GUSB: variants seen among roughly 807,000 people sequenced by gnomAD.
GUSB encodes glucuronidase beta, also known as beta-glucuronidase.
In GUSB, 51 loss-of-function variants were observed where a neutral mutation model predicts 74.6. That is an observed-to-expected ratio of 0.68 (90% confidence interval 0.55 to 0.86). The LOEUF (loss-of-function observed/expected upper bound fraction) is 0.86, where lower values mean the gene tolerates loss of function less well. Among genes scored for constraint, GUSB ranks in the 40% least tolerant of loss-of-function variants. GUSB has a pLI of 0.00. For synonymous variants in GUSB, 360 were observed against 348.3 expected, an observed-to-expected ratio of 1.03 and a Z score of -0.37; for missense variants, 736 against 853.7, an observed-to-expected ratio of 0.86 and a Z score of 1.72.
rs747792546 is a variant in GUSB at position 65,982,096 on chromosome 7, G to A, written c.88C>T (p.Pro30Ser). The A allele has an allele frequency of 1.3e-6, 2 of 1,599,860 alleles. No individual in the cohort carries two copies. The highest frequency in any genetic ancestry group is 1.7e-6 in the Non-Finnish European group (2 of 1,174,236). ...CACTCCCGCGACGGGCTCTCCTGGGGGTACAGCATCCCGCCCTGCAGCCCC... is the reference window on the plus strand; with the variant it reads ...CACTCCCGCGACGGGCTCTCCTGGGAGTACAGCATCCCGCCCTGCAGCCCC... Reference protein sequence around the residue: ...ALGLQGGMLYPQESPSRECKE... With the variant: ...ALGLQGGMLYSQESPSRECKE... Residue 30 changes from proline to serine, a missense_variant, in exon 1 of 12, where the codon CCC (proline) becomes TCC (serine). This residue lies in a region of GUSB where 368 missense variants were observed against 363.8 expected (regional missense o/e 1.01). Coordinates refer to ENST00000304895, the MANE Select transcript of GUSB (RefSeq NM_000181.4).
At chr7:65,964,538 ATGG>A in intron 10 of GUSB, 80 bp from the exon 11 acceptor site, 1 of 1,330,884 alleles carries the variant, frequency 7.5e-7, no homozygotes, top group Non-Finnish European at 1.1e-6. Flanking sequence ...GATCCACTTG[ATGG>A]TGACCAAAAT....
intron 10 of GUSB, among the ~76,000 whole-genome samples, chr7:65,965,073 A>AT (rs1491290147): frequency 3.4e-5 from 5 of 147,730 alleles, no homozygotes; most frequent in African/African-American, 4.9e-5. Flanking sequence ...TGTCTCTAAT[A>AT]AATATATATA....
At chr7:65,965,284 C>T (rs1232724725) in intron 10 of GUSB, among the ~76,000 whole-genome samples, 1 of 151,558 alleles carries the variant, frequency 6.6e-6, no homozygotes, top group African/African-American at 2.4e-5. Context: ...CGCACGCCTG[C>T]AGTTCAAGCT....
intron 2 of GUSB, 110 bp downstream of exon 2, chr7:65,980,114 C>A (rs1021674783): frequency 1.7e-6 from 2 of 1,150,332 alleles, no homozygotes; most frequent in East Asian, 2.6e-5. Context: ...CAGGGCAGGA[C>A]CCCCCACCAT....
intron 6 of GUSB, 59 bp downstream of exon 6, chr7:65,974,860 G>C (rs886412828): frequency 1.3e-6 from 2 of 1,591,024 alleles, no homozygotes; most frequent in South Asian, 1.1e-5. Flanking sequence ...ACACAGGGAA[G>C]GCGAAAGTGG....
chr7:65,981,905 G>C, intron 1 of GUSB, 69 bp downstream of exon 1: 2 of 1,350,368 alleles, frequency 1.5e-6, no homozygotes, highest in Non-Finnish European at 2.0e-6. Flanking sequence ...AAGTCTGCGG[G>C]GGGCCCGGGC....
At position 65,975,097 on chromosome 7, in the gene GUSB, G is replaced by A. The variant is rs369231521; in HGVS notation, c.913-26C>T. On this transcript the variant is annotated intron_variant, in intron 5 of 11. Transcript: ENST00000304895. ...CTATGACAGCCAAAGCACCAGGTGT[G>A]AGCACCCCGACAGCCTGAGCCCCAT... 30 of 1,610,758 alleles carry A rather than the reference G, an allele frequency of 1.9e-5. No individual in the cohort carries two copies. In the Middle Eastern group the frequency reaches 5.7e-4, roughly 31 times the overall value.
intron 2 of GUSB, 39 bp downstream of exon 2, chr7:65,980,185 G>GAGCCC: frequency 2.9e-5 from 21 of 725,270 alleles, no homozygotes; most frequent in Admixed American, 6.7e-5. Flanking sequence ...CAGCAGCCGT[G>GAGCCC]CCCCCCCACC....
At chr7:65,973,174 G>T (rs915680879) in intron 8 of GUSB, among the ~76,000 whole-genome samples, 3 of 152,140 alleles carry the variant, frequency 2.0e-5, no homozygotes, top group Non-Finnish European at 2.9e-5. Context: ...CTAATTAGCC[G>T]GGCACGGTGG....
At chr7:65,979,290 G>T in intron 4 of GUSB, 109 bp downstream of exon 4, 1 of 1,068,502 alleles carries the variant, frequency 9.4e-7, no homozygotes, top group Non-Finnish European at 1.5e-6. Context: ...GGGAATCTGT[G>T]AGGGTGTAGA....
In GUSB at chr7:65,980,333, A is replaced by C; in HGVS notation, c.287T>G (p.Val96Gly). Residue 96 changes from valine (V) to glycine (G), a missense_variant, in exon 2 of 12, where the codon GTC (valine) becomes GGC (glycine). Transcript: ENST00000304895. ...ISQDWRLRHFVGWVWYEREVI... is the reference protein window; with the variant it reads ...ISQDWRLRHFGGWVWYEREVI... The stretch of plus-strand genomic sequence containing the variant: ...CTCCCGTTCGTACCACACCCAGCCG[A>C]CAAAATGCCGCAGACGCCAGTCCTG... The C allele has an allele frequency of 6.2e-7, 1 of 1,613,886 alleles. No homozygotes were observed. Among genetic ancestry groups the C allele is most frequent in the East Asian group, 2.2e-5 (1 of 44,856 alleles).
intron 4 of GUSB, among the ~76,000 whole-genome samples, chr7:65,977,071 G>C (rs896371878): frequency 6.6e-6 from 1 of 152,022 alleles, no homozygotes; most frequent in Non-Finnish European, 1.5e-5. Context: ...AATTCATCAC[G>C]GAAGACTCCC....
chr7:65,978,900 C>A (rs1791784640), intron 4 of GUSB, among the ~76,000 whole-genome samples: 1 of 152,172 alleles, frequency 6.6e-6, no homozygotes, highest in African/African-American at 2.4e-5. Context: ...GCCTCAGCAG[C>A]TGGGACTACC....
rs766837276 is a variant in GUSB at position 65,976,045 on chromosome 7, G to C, written c.882C>G (p.His294Gln). 3 of 1,613,762 alleles carry C rather than the reference G, an allele frequency of 1.9e-6. No homozygotes were observed. The highest frequency in any genetic ancestry group is 2.5e-6 in the Non-Finnish European group (3 of 1,179,996). ...GVSLWWPYLM[H>Q]ERPAYLYSLE... ...ATGAATACAGATAGGCAGGGCGTTCGTGCATCAGGTACGGCCACCAGAGGC... is the reference window on the plus strand; with the variant it reads ...ATGAATACAGATAGGCAGGGCGTTCCTGCATCAGGTACGGCCACCAGAGGC... The change falls in exon 5 of 12, where the codon CAC becomes CAG. Residue 294 changes from histidine to glutamine, a missense_variant. By Grantham distance (24) the His-to-Gln change is conservative. Around this residue, in one of 2 missense-constraint regions of GUSB, gnomAD observed 368 missense variants for 489.9 expected, o/e 0.75. Coordinates refer to ENST00000304895, the MANE Select transcript of GUSB (RefSeq NM_000181.4).
intron 8 of GUSB, among the ~76,000 whole-genome samples, chr7:65,973,838 G>C (rs1791378135): frequency 1.3e-5 from 2 of 152,258 alleles, no homozygotes; most frequent in African/African-American, 4.8e-5. Flanking sequence ...GGCTGAGACA[G>C]GAGGATCACC....
intron 10 of GUSB, 24 bp from the exon 11 acceptor site, chr7:65,964,482 G>C: frequency 1.2e-6 from 2 of 1,607,604 alleles, no homozygotes; most frequent in Non-Finnish European, 1.7e-6. Context: ...CAAAGAGAAT[G>C]TAAGAGTCAG....
In GUSB at chr7:65,960,878, C is replaced by CA. The variant is rs769662185; in HGVS notation, c.*18dup. 6.2e-7 allele frequency: 1 copy of CA among 1,610,164 alleles called. No individual in the cohort carries two copies. The highest frequency in any genetic ancestry group is 1.3e-5 in the African/African-American group (1 of 74,954). ...CCTGACTCGGGGAGGAAGGGACACG[C>CA]AGGTGGTATCAGTCTTGCTCAAGTA... On this transcript the variant is annotated 3_prime_UTR_variant, in exon 12 of 12. Transcript: ENST00000304895.
At chr7:65,966,313 C>T (rs940422365) in intron 10 of GUSB, among the ~76,000 whole-genome samples, 4 of 152,080 alleles carry the variant, frequency 2.6e-5, no homozygotes, top group African/African-American at 9.7e-5. Context: ...GCAAACAGAA[C>T]AGCGCAGTCC....
chr7:65,965,091 A>AT (rs545028138), intron 10 of GUSB, among the ~76,000 whole-genome samples: 16,296 of 150,832 alleles, frequency 0.11, 1,028 homozygotes, highest in Middle Eastern at 0.19. Flanking sequence ...ATATATATAT[A>AT]AAAATTAAAT....
Sources: allele counts gnomAD v4.1 joint callset (sites outside exome capture counted in the v4.1 genomes callset), GRCh38; gene constraint gnomAD v4.1.1; regional missense constraint gnomAD v4.1.1; transcripts MANE v1.5; gene names NCBI Gene and HGNC (gene_info 2026-07-23, HGNC 2026-07-21).